The following PTK2B variants were observed in gnomAD, a reference collection of about 807,000 sequenced individuals.
The protein encoded by PTK2B is protein-tyrosine kinase 2-beta.
A neutral mutation model predicts 142.9 loss-of-function variants in PTK2B; 71 were observed. The ratio of observed to expected loss-of-function variants is 0.50; its 90% confidence interval spans 0.41 to 0.61. The LOEUF (loss-of-function observed/expected upper bound fraction) is 0.61, where lower values mean the gene tolerates loss of function less well. Among genes scored for constraint, PTK2B ranks in the 20% least tolerant of loss-of-function variants. The probability of loss-of-function intolerance (pLI) is 0.00; values close to 1 mark genes in which losing one functional copy is unlikely to be tolerated. For missense variants in PTK2B, 1,105 were observed against 1,320.4 expected (o/e 0.84, Z 2.53); for synonymous variants, 519 against 503.4 (o/e 1.03, Z -0.42).
At chr8:27,355,405 G>A (rs1249882260) in intron 1 of PTK2B, among the ~76,000 whole-genome samples, 1 of 152,156 alleles carries the variant, frequency 6.6e-6, no homozygotes, top group African/African-American at 2.4e-5. Flanking sequence ...GGAACCGCGA[G>A]CCAAATAATG....
chr8:27,349,218 G>T (rs1400818367), intron 1 of PTK2B, among the ~76,000 whole-genome samples: 1 of 152,190 alleles, frequency 6.6e-6, no homozygotes, highest in Non-Finnish European at 1.5e-5. Context: ...GTCTAAAAGT[G>T]TATTTCCAAT....
At chr8:27,370,688 C>A (rs1280551069) in intron 1 of PTK2B, among the ~76,000 whole-genome samples, 6 of 152,180 alleles carry the variant, frequency 3.9e-5, no homozygotes, top group Admixed American at 3.9e-4. Context: ...GGGTATGTTG[C>A]CTCACGACCT....
intron 5 of PTK2B, among the ~76,000 whole-genome samples, chr8:27,425,042 T>C (rs1444310767): frequency 6.6e-6 from 1 of 152,070 alleles, no homozygotes; most frequent in Non-Finnish European, 1.5e-5. Flanking sequence ...ATAGGAATGA[T>C]AATAGTAACA....
rs75044408 is a variant in PTK2B at position 27,412,706 on chromosome 8, C to T, written c.205-7189C>T. On this transcript the variant is annotated intron_variant, in intron 2 of 30. Coordinates refer to ENST00000346049, the MANE Select transcript of PTK2B (RefSeq NM_173176.3). ...TGAAGATATGTTGGGTGAAGAGTCT[C>T]TTAATGAATTTCAACCCCAAGGACC... 1.3e-4 allele frequency among the ~76,000 whole-genome samples: 20 copies of T among 152,284 alleles called. No individual in the cohort carries two copies. The East Asian group carries it at 3.5e-3, about 26-fold the overall frequency.
Position 27,449,717 on chromosome 8 carries a change from A to G in PTK2B, c.2341-1032A>G, listed in dbSNP as rs1239104572. ...ATGTGCAGCACAACAAGAGCAAAATAGTTTAGAGACACTGAGCAGATATTT... is the reference window on the plus strand; with the variant it reads ...ATGTGCAGCACAACAAGAGCAAAATGGTTTAGAGACACTGAGCAGATATTT... On this transcript the variant is annotated intron_variant, in intron 24 of 30. Transcript: ENST00000346049. Among the ~76,000 whole-genome samples, 9 of 152,252 alleles carry G rather than the reference A, an allele frequency of 5.9e-5. No individual in the cohort carries two copies. In the South Asian group the frequency reaches 1.9e-3, roughly 31 times the overall value.
chr8:27,404,424 C>T (rs77320544), intron 2 of PTK2B, among the ~76,000 whole-genome samples: 3,827 of 152,244 alleles, frequency 0.025, 173 homozygotes, highest in African/African-American at 0.088. Context: ...CTTGTTTTGT[C>T]CTGAAGCATC....
At chr8:27,445,680 C>T in intron 23 of PTK2B, 114 bp from the exon 24 acceptor site, 1 of 1,460,658 alleles carries the variant, frequency 6.8e-7, no homozygotes, top group Non-Finnish European at 9.4e-7. Flanking sequence ...GGAGAGCAAG[C>T]CCCATTCCCT....
intron 1 of PTK2B, among the ~76,000 whole-genome samples, chr8:27,359,126 T>A (rs906676348): frequency 6.6e-6 from 1 of 152,182 alleles, no homozygotes; most frequent in Non-Finnish European, 1.5e-5. Context: ...ATATATATAT[T>A]TTTGAAACAT....
chr8:27,435,253 G>A (rs1031936161), intron 13 of PTK2B, among the ~76,000 whole-genome samples: 25 of 152,114 alleles, frequency 1.6e-4, no homozygotes, highest in African/African-American at 2.4e-4. Context: ...AGAGAGTTCT[G>A]GCCTCTCTTC....
At chr8:27,397,976 T>A (rs901715978) in intron 2 of PTK2B, among the ~76,000 whole-genome samples, 188 bp downstream of exon 2, 5 of 152,216 alleles carry the variant, frequency 3.3e-5, no homozygotes, top group Non-Finnish European at 7.3e-5. Context: ...CCATACTACT[T>A]CTCTAGGAGC....
chr8:27,430,029 G>GC, intron 5 of PTK2B, 64 bp from the exon 6 acceptor site: 9 of 1,471,662 alleles, frequency 6.1e-6, no homozygotes, highest in Non-Finnish European at 8.5e-6. Context: ...GGCATGAGGT[G>GC]CCCTGGGTCT....
chr8:27,359,048 A>G (rs920697085), intron 1 of PTK2B, among the ~76,000 whole-genome samples: 5 of 151,930 alleles, frequency 3.3e-5, no homozygotes, highest in Non-Finnish European at 7.4e-5. Flanking sequence ...TCCCCTCCCC[A>G]TTTTAGCCAT....
Position 27,439,293 on chromosome 8 carries a change from CTT to C in PTK2B, c.1745-14_1745-13del. The C allele has an allele frequency of 1.2e-6, 2 of 1,607,210 alleles. No homozygotes were observed. ...ATCTTTCTTCCCTAAAAATCAACCT[CTT>C]TGCCCACCCAAAGCCTCTGTGACTC... is the stretch of plus-strand genomic sequence containing the variant. On this transcript the variant is annotated splice_polypyrimidine_tract_variant and intron_variant, in intron 19 of 30. Coordinates refer to ENST00000346049, the MANE Select transcript of PTK2B (RefSeq NM_173176.3).
chr8:27,448,851 G>T (rs545632947), intron 24 of PTK2B, among the ~76,000 whole-genome samples: 23 of 152,266 alleles, frequency 1.5e-4, no homozygotes, highest in African/African-American at 5.1e-4. Context: ...CCTCATTTTT[G>T]AGTATCAGCC....
Position 27,368,011 on chromosome 8 carries a change from C to T in PTK2B, c.-37-29537C>T, listed in dbSNP as rs368977542. 3.3e-5 allele frequency among the ~76,000 whole-genome samples: 5 copies of T among 152,230 alleles called. No individual in the cohort carries two copies. The East Asian group carries it at 5.8e-4, about 18-fold the overall frequency. On this transcript the variant is annotated intron_variant, in intron 1 of 30. Coordinates refer to ENST00000346049, the MANE Select transcript of PTK2B (RefSeq NM_173176.3). ...GAGCCAGGGGACAAAGCAGGCCCCA[C>T]GGAATAGGGTGCTGTGGAGTCAGGC...
At chr8:27,451,601 G>C (rs1474268009) in intron 27 of PTK2B, 92 bp downstream of exon 27, 1 of 1,599,844 alleles carries the variant, frequency 6.3e-7, no homozygotes, top group South Asian at 1.1e-5. Context: ...GGGAGCAGCG[G>C]AGTCTGTCTG....
At chr8:27,313,597 A>G (rs1259228850) in intron 3 of PTK2B, among the ~76,000 whole-genome samples, 1 of 152,112 alleles carries the variant, frequency 6.6e-6, no homozygotes, top group Non-Finnish European at 1.5e-5. Flanking sequence ...AGCTGCCCGA[A>G]TGCACAGTGC....
At chr8:27,322,760 T>C (rs1158399558), upstream of PTK2B, 1 of 152,246 alleles carries the variant, frequency 6.6e-6, no homozygotes, top group East Asian at 1.9e-4. Context: ...CATTGAAACC[T>C]GCTCTACTGG....
intron 2 of PTK2B, among the ~76,000 whole-genome samples, chr8:27,404,973 T>C (rs1263817179): frequency 6.6e-6 from 1 of 150,994 alleles, no homozygotes; most frequent in Non-Finnish European, 1.5e-5. Context: ...AGTGTCCTTA[T>C]AAAAGAGGAA....
Sources: gnomAD v4.1 joint callset for allele counts (sites outside exome capture counted in the v4.1 genomes callset) on GRCh38, gnomAD v4.1.1 for gene constraint, MANE v1.5 for transcripts, NCBI Gene and HGNC (gene_info 2026-07-23, HGNC 2026-07-21) for gene names.